The following NEMP2 variants were observed in gnomAD, a reference collection of about 807,000 sequenced individuals.
NEMP2 encodes UPF0571 transmembrane protein.
A neutral mutation model predicts 54.2 loss-of-function variants in NEMP2; 53 were observed. That is an observed-to-expected ratio of 0.98 (90% CI 0.78 to 1.23). The LOEUF is 1.23. Among genes scored for constraint, NEMP2 ranks in the 50% most tolerant of loss-of-function variants. The pLI, the probability that NEMP2 is intolerant of heterozygous loss-of-function variation, is 0.00. For synonymous variants in NEMP2, 197 were observed against 190.3 expected, an observed-to-expected ratio of 1.04 and a Z score of -0.29; for missense variants, 455 against 511.3, an observed-to-expected ratio of 0.89 and a Z score of 1.06.
the NEMP2 span, among the ~76,000 whole-genome samples, chr2:190,635,308 T>C: frequency 1.3e-5 from 2 of 152,338 alleles, no homozygotes; most frequent in African/African-American, 4.8e-5. The surrounding 1 kb of genome is among the most constrained non-coding windows in gnomAD (Gnocchi z 4.1). Context: ...CCTACAACTC[T>C]TGGGCTCAAG....
At chr2:190,436,868 A>T in the NEMP2 span, 5 of 1,614,210 alleles carry the variant, frequency 3.1e-6, no homozygotes, top group Non-Finnish European at 3.4e-6. The surrounding 1 kb of genome is among the most constrained non-coding windows in gnomAD (Gnocchi z 5.3). Context: ...CTTGTTTATG[A>T]TCAACAAGAA....
intron 5 of NEMP2, among the ~76,000 whole-genome samples, 164 bp downstream of exon 5, chr2:190,517,356 A>C (rs1275447692): frequency 9.9e-5 from 15 of 152,176 alleles, no homozygotes; most frequent in Admixed American, 9.8e-4. Context: ...GTAATAAATA[A>C]AATCAGGAAC....
chr2:190,576,734 C>T, the NEMP2 span, among the ~76,000 whole-genome samples: 8 of 152,062 alleles, frequency 5.3e-5, no homozygotes, highest in Non-Finnish European at 1.5e-5. Context: ...TCTGGTAAAA[C>T]CCAGTCCAAA....
At position 190,525,281 on chromosome 2, in the gene NEMP2, G is replaced by A. The variant is rs1165272979; in HGVS notation, c.195C>T (p.Tyr65=). 5.8e-6 allele frequency: 9 copies of A among 1,544,824 alleles called. No homozygotes were observed. Among genetic ancestry groups the A allele is most frequent in the East Asian group, 2.4e-5 (1 of 40,872 alleles). Residue 65 remains tyrosine, a synonymous_variant, in exon 2 of 9, where the codon TAC becomes TAT. Coordinates refer to ENST00000409150, the MANE Select transcript of NEMP2 (RefSeq NM_001142645.2). The surrounding 1 kb of genome is among the most constrained non-coding windows in gnomAD (Gnocchi z 5.0). The stretch of plus-strand genomic sequence containing the variant: ...CCCTTACCTGCATAGTTGACCATAT[G>A]TATTTCCACTCCACTTGGGAATTTT... ...YNQNSQVEWK[Y]IWSTMQVKIT...
the NEMP2 span, among the ~76,000 whole-genome samples, chr2:190,623,892 C>T: frequency 6.6e-6 from 1 of 152,154 alleles, no homozygotes; most frequent in Non-Finnish European, 1.5e-5. Flanking sequence ...ATACAACCTA[C>T]AGAACGGGAG....
the NEMP2 span, among the ~76,000 whole-genome samples, chr2:190,557,801 A>G: frequency 6.6e-6 from 1 of 152,328 alleles, no homozygotes; most frequent in African/African-American, 2.4e-5. Flanking sequence ...TAGAATGGCA[A>G]TCATTAAAAA....
chr2:190,487,339 C>CAAACA, the NEMP2 span, among the ~76,000 whole-genome samples: 12 of 152,114 alleles, frequency 7.9e-5, no homozygotes, highest in East Asian at 1.9e-4. The surrounding 1 kb of genome is among the most constrained non-coding windows in gnomAD (Gnocchi z 5.5). Flanking sequence ...TACTCCATCT[C>CAAACA]AAACAAAACA....
At chr2:190,457,255 C>T in the NEMP2 span, among the ~76,000 whole-genome samples, 1 of 152,150 alleles carries the variant, frequency 6.6e-6, no homozygotes, top group African/African-American at 2.4e-5. The surrounding 1 kb of genome is among the most constrained non-coding windows in gnomAD (Gnocchi z 5.1). Flanking sequence ...GGCCCCGGTC[C>T]ACCCCTGTGG....
chr2:190,512,205 C>T lies in NEMP2; in HGVS notation c.954-1668G>A, dbSNP rs1292768709. ...ATTCACTATATGAACTTGGGGAATT[C>T]CTTAACAGTTCAGAGCCTCACTTTG... On this transcript the variant is annotated intron_variant, in intron 7 of 8. Transcript: ENST00000409150. The surrounding 1 kb of genome is among the most constrained non-coding windows in gnomAD (Gnocchi z 4.5). Among the ~76,000 whole-genome samples the T allele has an allele frequency of 2.6e-5, 4 of 151,990 alleles. No homozygotes were observed. Among genetic ancestry groups the T allele is most frequent in the Admixed American group, 2.6e-4 (4 of 15,248 alleles).
chr2:190,437,689 G>A, the NEMP2 span: 1 of 1,132,108 alleles, frequency 8.8e-7, no homozygotes, highest in Non-Finnish European at 1.2e-6. This position sits in a 1 kb window ranked among gnomAD's most constrained non-coding sequence, Gnocchi z 5.9. Context: ...GTGGAAATGG[G>A]GATTTCTGTT....
At chr2:190,636,647 A>T in the NEMP2 span, among the ~76,000 whole-genome samples, 9 of 152,354 alleles carry the variant, frequency 5.9e-5, no homozygotes, top group African/African-American at 1.9e-4. Flanking sequence ...CCTACCCCAG[A>T]ATATCTACCC....
At chr2:190,437,015 T>C in the NEMP2 span, 1 of 1,614,216 alleles carries the variant, frequency 6.2e-7, no homozygotes, top group Non-Finnish European at 8.5e-7. This position sits in a 1 kb window ranked among gnomAD's most constrained non-coding sequence, Gnocchi z 5.9. Context: ...TTGCAGCGCA[T>C]GTGGGGCTCC....
chr2:190,626,453 CGAGAGAGAGAGAGAAAGA>C, the NEMP2 span: 1 of 151,142 alleles, frequency 6.6e-6, no homozygotes, highest in African/African-American at 2.4e-5. This position sits in a 1 kb window ranked among gnomAD's most constrained non-coding sequence, Gnocchi z 4.5. Context: ...TTAAGAGTGT[CGAGAGAGAGAGAGAAAGA>C]GAGAGAGAGA....
At chr2:190,631,748 T>C in the NEMP2 span, among the ~76,000 whole-genome samples, 2 of 152,176 alleles carry the variant, frequency 1.3e-5, no homozygotes, top group African/African-American at 4.8e-5. Context: ...ATATAGACTT[T>C]CCCCAAATTG....
At chr2:190,424,235 C>CTT in the NEMP2 span, among the ~76,000 whole-genome samples, 1 of 143,094 alleles carries the variant, frequency 7.0e-6, no homozygotes, top group Non-Finnish European at 1.5e-5. The surrounding 1 kb of genome is among the most constrained non-coding windows in gnomAD (Gnocchi z 5.9). Flanking sequence ...TTTTCTTCTT[C>CTT]TTTTTTTTTT....
the NEMP2 span, among the ~76,000 whole-genome samples, chr2:190,580,448 C>G: frequency 6.6e-6 from 1 of 152,160 alleles, no homozygotes; most frequent in Admixed American, 6.5e-5. This position sits in a 1 kb window ranked among gnomAD's most constrained non-coding sequence, Gnocchi z 5.3. Flanking sequence ...GTTCTGCTGT[C>G]AAGTAGATAA....
the NEMP2 span, among the ~76,000 whole-genome samples, chr2:190,597,196 T>C: frequency 6.6e-6 from 1 of 151,076 alleles, no homozygotes; most frequent in African/African-American, 2.4e-5. This position sits in a 1 kb window ranked among gnomAD's most constrained non-coding sequence, Gnocchi z 4.7. Context: ...CCCTGGGGAG[T>C]TGAGGCTGCA....
chr2:190,479,301 C>G, the NEMP2 span, among the ~76,000 whole-genome samples: 5 of 152,148 alleles, frequency 3.3e-5, no homozygotes, highest in Admixed American at 2.6e-4. Flanking sequence ...TTGCAGCAAA[C>G]ATGTTATTCA....
the NEMP2 span, among the ~76,000 whole-genome samples, chr2:190,629,505 G>A: frequency 6.6e-6 from 1 of 152,152 alleles, no homozygotes; most frequent in Non-Finnish European, 1.5e-5. Context: ...GAAGAATGAT[G>A]AAATCATTAA....
Sources: gnomAD v4.1 joint callset for allele counts (sites outside exome capture counted in the v4.1 genomes callset) on GRCh38, gnomAD v4.1.1 for gene constraint, Gnocchi (gnomAD v3.1) non-coding constraint, MANE v1.5 for transcripts, NCBI Gene and HGNC (gene_info 2026-07-23, HGNC 2026-07-21) for gene names.